The following EDEM1 variants were observed in gnomAD, a reference collection of about 807,000 sequenced individuals.
The protein encoded by EDEM1 is ER degradation enhancing alpha-mannosidase like protein 1.
EDEM1 carries 67 observed loss-of-function variants against 74.4 expected under a neutral mutation model. The observed-to-expected ratio is 0.90, with a 90% CI of 0.74 to 1.10. The LOEUF (loss-of-function observed/expected upper bound fraction) is 1.10, where lower values mean the gene tolerates loss of function less well. Among genes scored for constraint, EDEM1 ranks in the 50% least tolerant of loss-of-function variants. The pLI, the probability that EDEM1 is intolerant of heterozygous loss-of-function variation, is 0.00. For missense variants in EDEM1, 926 were observed against 851.6 expected, an observed-to-expected ratio of 1.09 and a Z score of -1.09; for synonymous variants, 382 against 335.9, an observed-to-expected ratio of 1.14 and a Z score of -1.50.
chr3:5,196,744 C>A (rs752644556), intron 2 of EDEM1, among the ~76,000 whole-genome samples: 9 of 152,166 alleles, frequency 5.9e-5, no homozygotes, highest in Non-Finnish European at 1.0e-4. Context: ...CATTTACCAT[C>A]ACTGATCAAA....
In EDEM1 at chr3:5,207,201, C is replaced by A; in HGVS notation, c.1266C>A (p.Asn422Lys). The change falls in exon 7 of 12, where the codon AAC (asparagine) becomes AAA (lysine). Residue 422 changes from asparagine (N) to lysine (K), a missense_variant. Transcript: ENST00000256497. ...AAGGAGACCCTCCACTCTATGTCAA[C>A]GTGAACATGTTCAGTGGGCAGCTGA... ...EGEGDPPLYV[N>K]VNMFSGQLMN... 6.2e-7 allele frequency: 1 copy of A among 1,614,194 alleles called. No individual in the cohort carries two copies. The highest frequency in any genetic ancestry group is 8.5e-7 in the Non-Finnish European group (1 of 1,180,028).
At chr3:5,210,354 A>G (rs2055153148) in intron 9 of EDEM1, 106 bp downstream of exon 9, 1 of 1,064,200 alleles carries the variant, frequency 9.4e-7, no homozygotes, top group South Asian at 1.4e-5. Flanking sequence ...GAACCAGGTC[A>G]TTAATGTTAC....
At chr3:5,190,792 G>A (rs190636816) in intron 1 of EDEM1, among the ~76,000 whole-genome samples, 1 of 152,238 alleles carries the variant, frequency 6.6e-6, no homozygotes, top group East Asian at 1.9e-4. Flanking sequence ...CCTCACACTT[G>A]CCACTTACAA....
intron 5 of EDEM1, among the ~76,000 whole-genome samples, chr3:5,203,975 T>G (rs2055064674): frequency 6.6e-6 from 1 of 152,184 alleles, no homozygotes; most frequent in Non-Finnish European, 1.5e-5. Context: ...CAAGCAATTC[T>G]CCCACCTTGG....
chr3:5,206,285 G>A (rs1182702557), intron 6 of EDEM1, among the ~76,000 whole-genome samples: 1 of 150,472 alleles, frequency 6.6e-6, no homozygotes, highest in African/African-American at 2.5e-5. Flanking sequence ...TTGGCTCACT[G>A]CAACCTCTGC....
At chr3:5,197,367 CAA>C (rs1318720742) in intron 2 of EDEM1, among the ~76,000 whole-genome samples, 9 of 152,180 alleles carry the variant, frequency 5.9e-5, no homozygotes, top group Non-Finnish European at 1.3e-4. Flanking sequence ...GTCCTACAGT[CAA>C]ACAAACAAAC....
At chr3:5,188,651 C>G (rs1000115509) in intron 1 of EDEM1, among the ~76,000 whole-genome samples, 4 of 152,250 alleles carry the variant, frequency 2.6e-5, no homozygotes, top group African/African-American at 9.6e-5. Flanking sequence ...TTTCCACTTC[C>G]ATCCGACCCC....
chr3:5,205,123 G>C lies in EDEM1; in HGVS notation c.1099G>C (p.Ala367Pro). ...HWVGKQSGLG[A>P]GLDSFYEYLL... ...GGTTGGAAAGCAGAGTGGCCTGGGT[G>C]CCGGGCTGGACTCCTTCTATGAATA... The change falls in exon 6 of 12, where the codon GCC (alanine) becomes CCC (proline). Residue 367 changes from alanine (A) to proline (P), a missense_variant. Coordinates refer to ENST00000256497, the MANE Select transcript of EDEM1 (RefSeq NM_014674.3). The C allele has an allele frequency of 6.2e-7, 1 of 1,614,232 alleles. No individual in the cohort carries two copies. Among genetic ancestry groups the C allele is most frequent in the Non-Finnish European group, 8.5e-7 (1 of 1,180,034 alleles).
In EDEM1 at chr3:5,205,269, G is replaced by T. The variant is rs200284813; in HGVS notation, c.1217+28G>T. The T allele has an allele frequency of 6.3e-6, 10 of 1,591,552 alleles. No individual in the cohort carries two copies. The African/African-American group carries it at 1.4e-4, about 22-fold the overall frequency. On this transcript the variant is annotated intron_variant, in intron 6 of 11. Coordinates refer to ENST00000256497, the MANE Select transcript of EDEM1 (RefSeq NM_014674.3). Reference sequence around the variant, plus strand: ...ATGTCTCCCTAACATCTCCTCTGTTGCCTTGTAAAGCAAATAGAATGCATT... The same window carrying T: ...ATGTCTCCCTAACATCTCCTCTGTTTCCTTGTAAAGCAAATAGAATGCATT...
Position 5,217,556 on chromosome 3 carries a change from A to G in EDEM1, c.*1638A>G, listed in dbSNP as rs983842026. The G allele has an allele frequency of 6.6e-6, 1 of 152,612 alleles. No homozygotes were observed. Among genetic ancestry groups the G allele is most frequent in the African/African-American group, 2.4e-5 (1 of 41,432 alleles). 9.5% of individuals were successfully genotyped at this position (152,612 alleles called of 1,614,324 possible). On this transcript the variant is annotated 3_prime_UTR_variant, in exon 12 of 12. Transcript: ENST00000256497. ...TAAGTGTTATGGTTTTATATAGTTC[A>G]GTTCTTTGAGATTTTTGAAAAGAGT...
At chr3:5,199,474 A>C in intron 2 of EDEM1, 118 bp from the exon 3 acceptor site, 1 of 653,604 alleles carries the variant, frequency 1.5e-6, no homozygotes, top group Admixed American at 3.3e-5. Flanking sequence ...TTGTGTTTCT[A>C]CTCCTATGGT....
intron 8 of EDEM1, 23 bp downstream of exon 8, chr3:5,208,286 T>C: frequency 6.2e-7 from 1 of 1,601,048 alleles, no homozygotes; most frequent in Non-Finnish European, 8.5e-7. Context: ...TGTTTTTTTT[T>C]TTTTCCTTTC....
intron 2 of EDEM1, among the ~76,000 whole-genome samples, chr3:5,196,771 A>G (rs2054972645): frequency 1.3e-5 from 2 of 152,130 alleles, no homozygotes; most frequent in Admixed American, 1.3e-4. Flanking sequence ...CCAGACAAGT[A>G]TGTTCGACCT....
intron 8 of EDEM1, among the ~76,000 whole-genome samples, chr3:5,209,709 C>T (rs2055144764): frequency 6.6e-6 from 1 of 152,158 alleles, no homozygotes; most frequent in Non-Finnish European, 1.5e-5. Flanking sequence ...GAAAGGGTGG[C>T]GGCCTCCTTT....
At chr3:5,205,367 C>T (rs2055084579) in intron 6 of EDEM1, 126 bp downstream of exon 6, 4 of 950,470 alleles carry the variant, frequency 4.2e-6, no homozygotes, top group African/African-American at 1.7e-5. Flanking sequence ...TACCACCTCT[C>T]CTAGTTTGTC....
rs754328205 is a variant in EDEM1 at position 5,211,154 on chromosome 3, A to C, written c.1618A>C (p.Lys540Gln). The change falls in exon 10 of 12, where the codon AAG (lysine) becomes CAG (glutamine). Residue 540 changes from lysine (K) to glutamine (Q), a missense_variant. Transcript: ENST00000256497. ...GYATLHHVID[K>Q]STEDRMESFF... ...CGCCACGCTGCATCACGTCATTGACAAGTCCACAGAAGACCGGATGGAGAG... is the reference window on the plus strand; with the variant it reads ...CGCCACGCTGCATCACGTCATTGACCAGTCCACAGAAGACCGGATGGAGAG... The C allele has an allele frequency of 1.7e-5, 28 of 1,614,122 alleles. No individual in the cohort carries two copies. Among genetic ancestry groups the C allele is most frequent in the Non-Finnish European group, 2.3e-5 (27 of 1,180,048 alleles).
At position 5,211,223 on chromosome 3, in the gene EDEM1, G is replaced by A. The variant is rs534279508; in HGVS notation, c.1680+7G>A. 1.2e-6 allele frequency: 2 copies of A among 1,612,954 alleles called. No individual in the cohort carries two copies. The highest frequency in any genetic ancestry group is 3.3e-5 in the Admixed American group (2 of 60,024). ...CTGTAAATATTTGTATCTGGTATGT[G>A]TGTTGCAAGATGAACCCAGGAATAT... is the stretch of plus-strand genomic sequence containing the variant. On this transcript the variant is annotated splice_region_variant and intron_variant, in intron 10 of 11. Coordinates refer to ENST00000256497, the MANE Select transcript of EDEM1 (RefSeq NM_014674.3).
At chr3:5,211,010 G>A (rs190501227) in intron 9 of EDEM1, 110 bp from the exon 10 acceptor site, 26 of 945,202 alleles carry the variant, frequency 2.8e-5, no homozygotes, top group Non-Finnish European at 3.7e-5. Context: ...AGTTTCATAT[G>A]GTGTTGGATG....
intron 9 of EDEM1, 93 bp downstream of exon 9, chr3:5,210,341 A>G (rs1415014021): frequency 2.5e-5 from 30 of 1,210,542 alleles, no homozygotes; most frequent in Non-Finnish European, 3.4e-5. Flanking sequence ...ATTTTAATTT[A>G]TAGAACCAGG....
Sources: gnomAD v4.1 joint callset for allele counts (sites outside exome capture counted in the v4.1 genomes callset) on GRCh38, gnomAD v4.1.1 for gene constraint, MANE v1.5 for transcripts, NCBI Gene and HGNC (gene_info 2026-07-23, HGNC 2026-07-21) for gene names.